IVD: variants seen among roughly 807,000 people sequenced by gnomAD.
The protein encoded by IVD is isovaleryl-CoA dehydrogenase, also known as isovaleryl-CoA dehydrogenase, mitochondrial.
In IVD, 31 loss-of-function variants were observed where a neutral mutation model predicts 51.3. That is an observed-to-expected ratio of 0.60 (90% confidence interval 0.45 to 0.81). The LOEUF (loss-of-function observed/expected upper bound fraction) is 0.81, where lower values mean the gene tolerates loss of function less well. Ranked by LOEUF, IVD falls within the 40% of genes least tolerant of loss-of-function variation. The pLI, the probability that IVD is intolerant of heterozygous loss-of-function variation, is 0.00. For missense variants in IVD, 475 were observed against 552.0 expected (o/e 0.86, Z 1.40); for synonymous variants, 205 against 219.4 (o/e 0.93, Z 0.58).
chr15:40,427,474 T>A (rs1033152921), downstream of IVD, among the ~76,000 whole-genome samples: 1 of 152,200 alleles, frequency 6.6e-6, no homozygotes, highest in Non-Finnish European at 1.5e-5. Context: ...CACATCTGCC[T>A]GGGTTCCCAA....
At position 40,420,603 on chromosome 15, in the gene IVD, A is replaced by T; in HGVS notation, c.*2340A>T. The T allele has an allele frequency of 1.0e-6, 1 of 987,570 alleles. No homozygotes were observed. Among genetic ancestry groups the T allele is most frequent in the Non-Finnish European group, 1.2e-6 (1 of 830,100 alleles). 61.2% of individuals were successfully genotyped at this position (987,570 alleles called of 1,614,324 possible). The stretch of plus-strand genomic sequence containing the variant: ...AATCAGCCCTTAGGAGAGAGGTCTC[A>T]GCCTCCCTTTCCCAGATCTCCCAGT... On this transcript the variant is annotated 3_prime_UTR_variant, in exon 12 of 12. Transcript: ENST00000487418.
At chr15:40,406,102 C>T in intron 1 of IVD, 131 bp downstream of exon 1, 2 of 1,539,966 alleles carry the variant, frequency 1.3e-6, no homozygotes, top group Non-Finnish European at 1.8e-6. Flanking sequence ...CCGTTGGGAG[C>T]GCCAGCGCGG....
intron 3 of IVD, among the ~76,000 whole-genome samples, chr15:40,409,721 T>G (rs1890840807): frequency 6.6e-6 from 1 of 152,182 alleles, no homozygotes; most frequent in African/African-American, 2.4e-5. Flanking sequence ...GTATATTTTA[T>G]GAGGAGTTCT....
In IVD at chr15:40,420,935, C is replaced by T; in HGVS notation, c.*2672C>T. 1.0e-6 allele frequency: 1 copy of T among 985,550 alleles called. No individual in the cohort carries two copies. The highest frequency in any genetic ancestry group is 1.2e-6 in the Non-Finnish European group (1 of 830,016). 61.1% of individuals were successfully genotyped at this position (985,550 alleles called of 1,614,324 possible). A position where few individuals can be genotyped will look rare whatever the true frequency, so the allele number is the denominator to read the frequency against. On this transcript the variant is annotated 3_prime_UTR_variant, in exon 12 of 12. Transcript: ENST00000487418. ...CTGGTTTTCTTGGTTCTCAGCCCAG[C>T]AGCACCTATCCTGGCTCTTGGTCCT...
chr15:40,406,341 A>C, intron 1 of IVD: 1 of 1,337,050 alleles, frequency 7.5e-7, no homozygotes, highest in Non-Finnish European at 9.8e-7. Flanking sequence ...TTACACCTGA[A>C]CAGGCTGAGG....
At chr15:40,414,518 G>A (rs2141349707) in intron 7 of IVD, 2 of 306,096 alleles carry the variant, frequency 6.5e-6, no homozygotes, top group Admixed American at 3.9e-5. Flanking sequence ...TCCACCTGGG[G>A]GAAAGAGTAA....
intron 11 of IVD, among the ~76,000 whole-genome samples, chr15:40,417,520 A>T (rs974722222): frequency 6.6e-6 from 1 of 150,870 alleles, no homozygotes; most frequent in Non-Finnish European, 1.5e-5. Flanking sequence ...AAAAAAAAAA[A>T]GCTAAATGGA....
rs769066576 is a variant in IVD, at chr15:40,413,057, G to A, written c.754G>A (p.Glu252Lys). 1 of 1,613,998 alleles carries A rather than the reference G, an allele frequency of 6.2e-7. No individual in the cohort carries two copies. Among genetic ancestry groups the A allele is most frequent in the East Asian group, 2.2e-5 (1 of 44,884 alleles). ...KLGMRGSNTC[E>K]LIFEDCKIPA... ...GGGGATGAGGGGCTCTAACACCTGT[G>A]AGCTAATCTTTGAAGACTGCAAGAT... is the stretch of plus-strand genomic sequence containing the variant. Residue 252 changes from glutamate (E) to lysine (K), a missense_variant, in exon 7 of 12, where the codon GAG becomes AAG. Coordinates refer to ENST00000487418, the MANE Select transcript of IVD (RefSeq NM_002225.5).
chr15:40,424,291 T>G, downstream of IVD: 1 of 811,524 alleles, frequency 1.2e-6, no homozygotes, highest in Admixed American at 2.8e-5. Flanking sequence ...CTTCCCTCCT[T>G]CCCTGCTGAA....
chr15:40,415,445 T>A lies in IVD; in HGVS notation c.923T>A (p.Val308Glu), dbSNP rs1891562522. 1 of 1,614,116 alleles carries A rather than the reference T, an allele frequency of 6.2e-7. No homozygotes were observed. The highest frequency in any genetic ancestry group is 8.5e-7 in the Non-Finnish European group (1 of 1,180,008). Residue 308 changes from valine to glutamate, a missense_variant, in exon 9 of 12, where the codon GTG becomes GAG. By Grantham distance (121) the Val-to-Glu change is moderately radical. Transcript: ENST00000487418. ...VLDHTIPYLHVREAFGQKIGH... is the reference protein window; with the variant it reads ...VLDHTIPYLHEREAFGQKIGH... ...GACCACACCATTCCCTACCTGCACG[T>A]GAGGGAAGCCTTTGGCCAGAAGATC... is the stretch of plus-strand genomic sequence containing the variant.
At position 40,416,126 on chromosome 15, in the gene IVD, C is replaced by A; in HGVS notation, c.1009C>A (p.Arg337=). 1 of 1,614,202 alleles carries A rather than the reference C, an allele frequency of 6.2e-7. No individual in the cohort carries two copies. The highest frequency in any genetic ancestry group is 1.1e-5 in the South Asian group (1 of 91,064). The change falls in exon 10 of 12, where the codon CGG becomes AGG. Residue 337 remains arginine, a synonymous_variant. Coordinates refer to ENST00000487418, the MANE Select transcript of IVD (RefSeq NM_002225.5). The stretch of plus-strand genomic sequence containing the variant: ...CATGTACACCCGCCTCATGGCGTGT[C>A]GGCAGTATGTCTACAATGTCGCCAA... ...ADMYTRLMAC[R]QYVYNVAKAC... is the part of the protein sequence containing the mutation.
At chr15:40,415,534 C>A (rs1259466611) in intron 9 of IVD, 52 bp downstream of exon 9, 1 of 1,517,166 alleles carries the variant, frequency 6.6e-7, no homozygotes, top group Admixed American at 1.8e-5. Flanking sequence ...CTAAAGTTTT[C>A]TTTGAAAAGA....
At chr15:40,411,382 A>C in intron 5 of IVD, 29 bp downstream of exon 5, 1 of 1,611,736 alleles carries the variant, frequency 6.2e-7, no homozygotes, top group Non-Finnish European at 8.5e-7. Flanking sequence ...TGGGAGCCAA[A>C]ATGGGCAGAG....
intron 1 of IVD, among the ~76,000 whole-genome samples, chr15:40,407,114 C>T (rs374279419): frequency 1.2e-4 from 18 of 152,330 alleles, no homozygotes; most frequent in African/African-American, 3.6e-4. Context: ...CCTCCTGCCT[C>T]GGCCTCCCAA....
chr15:40,414,346 C>T (rs73385114), intron 7 of IVD: 3,882 of 167,624 alleles, frequency 0.023, 180 homozygotes, highest in African/African-American at 0.088. Flanking sequence ...TAGTGTCAAC[C>T]TGTTTTCCTG....
Position 40,411,567 on chromosome 15 carries a change from T to C in IVD, c.563T>C (p.Ile188Thr), listed in dbSNP as rs2141330990. The change falls in exon 6 of 12, where the codon ATC becomes ACC. Residue 188 changes from isoleucine (I) to threonine (T), a missense_variant. Transcript: ENST00000487418. The part of the protein sequence containing the change: ...LKAEKKGNHY[I>T]LNGNKFWITN... ...ATCCTGCCCTTAGGAAATCACTACATCCTGAATGGCAACAAGTTCTGGATC... is the reference window on the plus strand; with the variant it reads ...ATCCTGCCCTTAGGAAATCACTACACCCTGAATGGCAACAAGTTCTGGATC... The C allele has an allele frequency of 1.2e-6, 2 of 1,614,162 alleles. No individual in the cohort carries two copies. Among genetic ancestry groups the C allele is most frequent in the Middle Eastern group, 1.6e-4 (1 of 6,062 alleles).
downstream of IVD, chr15:40,424,408 G>C (rs1203423827): frequency 6.5e-6 from 2 of 305,776 alleles, no homozygotes; most frequent in East Asian, 2.4e-4. Context: ...ACTTTCTCTT[G>C]CTTCCTCATC....
chr15:40,435,363 G>C, intron 8 of IVD: 3 of 1,004,010 alleles, frequency 3.0e-6, no homozygotes, highest in Non-Finnish European at 3.6e-6. Flanking sequence ...TGGTTGGCAG[G>C]CAGGAGCCGC....
At chr15:40,416,765 G>A (rs535110334) in intron 11 of IVD, among the ~76,000 whole-genome samples, 128 of 152,324 alleles carry the variant, frequency 8.4e-4, no homozygotes, top group African/African-American at 2.8e-3. Context: ...CAGCTGAGCT[G>A]GGACCTTCGG....
Sources: allele counts gnomAD v4.1 joint callset (sites outside exome capture counted in the v4.1 genomes callset), GRCh38; gene constraint gnomAD v4.1.1; transcripts MANE v1.5; gene names NCBI Gene and HGNC (gene_info 2026-07-23, HGNC 2026-07-21).